The following ZC3H3 variants were observed in gnomAD, a reference collection of about 807,000 sequenced individuals.
ZC3H3 encodes the protein zinc finger CCCH domain-containing protein 3.
ZC3H3 carries 36 observed loss-of-function variants against 77.3 expected under a neutral mutation model. That is an observed-to-expected ratio of 0.47 (90% CI 0.36 to 0.61). ZC3H3 has a LOEUF of 0.61. Among genes scored for constraint, ZC3H3 ranks in the 20% least tolerant of loss-of-function variants. The probability of loss-of-function intolerance (pLI) is 0.00; values close to 1 mark genes in which losing one functional copy is unlikely to be tolerated. For missense variants in ZC3H3, 1,331 were observed against 1,312.2 expected (o/e 1.01, Z -0.22); for synonymous variants, 626 against 555.2 (o/e 1.13, Z -1.79).
chr8:143,473,694 G>A (rs576534926), intron 5 of ZC3H3, among the ~76,000 whole-genome samples: 48 of 152,330 alleles, frequency 3.2e-4, no homozygotes, highest in South Asian at 1.9e-3. Context: ...GGGACCACCC[G>A]GCATGAGCAG....
intron 3 of ZC3H3, among the ~76,000 whole-genome samples, chr8:143,514,983 G>A (rs531496438): frequency 1.6e-4 from 24 of 152,324 alleles, no homozygotes; most frequent in African/African-American, 5.1e-4. Context: ...GCCTGTGCCC[G>A]GCCAGTGCCC....
intron 3 of ZC3H3, among the ~76,000 whole-genome samples, chr8:143,517,063 C>G (rs760731318): frequency 1.3e-5 from 2 of 152,188 alleles, no homozygotes; most frequent in Non-Finnish European, 2.9e-5. Flanking sequence ...GCCGCTGCCG[C>G]GGACTGTCAG....
At chr8:143,522,400 C>T (rs1357764155) in intron 3 of ZC3H3, among the ~76,000 whole-genome samples, 2 of 151,142 alleles carry the variant, frequency 1.3e-5, no homozygotes, top group African/African-American at 4.9e-5. Flanking sequence ...GTCAGGAGTT[C>T]GAGACGAGCT....
At position 143,475,530 on chromosome 8, in the gene ZC3H3, G is replaced by T; in HGVS notation, c.1771C>A (p.Pro591Thr). ...PVASGGGKAQPGSPWWRSKGY... is the reference protein window; with the variant it reads ...PVASGGGKAQTGSPWWRSKGY... ...TTGCTCCGCCACCAAGGGGAGCCCG[G>T]TTGGGCTTTCCCACCCCCGCTGGCA... Residue 591 changes from proline (P) to threonine (T), a missense_variant, in exon 5 of 12, where the codon CCG (proline) becomes ACG (threonine). Pro to Thr is a conservative substitution (Grantham distance 38). Transcript: ENST00000262577. The T allele has an allele frequency of 1.2e-6, 2 of 1,611,238 alleles. No individual in the cohort carries two copies. Among genetic ancestry groups the T allele is most frequent in the Non-Finnish European group, 1.7e-6 (2 of 1,179,280 alleles).
intron 3 of ZC3H3, among the ~76,000 whole-genome samples, chr8:143,534,520 G>A (rs1822729136): frequency 6.6e-6 from 1 of 152,130 alleles, no homozygotes; most frequent in South Asian, 2.1e-4. Context: ...GAGCAGGCCA[G>A]GTGAGCAGGG....
At position 143,536,330 on chromosome 8, in the gene ZC3H3, C is replaced by T. The variant is rs199941468; in HGVS notation, c.1488G>A (p.Lys496=). Residue 496 remains lysine (K), a synonymous_variant, in exon 3 of 12, where the codon AAG becomes AAA. Coordinates refer to ENST00000262577, the MANE Select transcript of ZC3H3 (RefSeq NM_015117.3). The part of the protein sequence containing the change: ...SSPVLKKTPN[K]GLVQVTTHRL... Reference sequence around the variant, plus strand: ...GGTGCGTGGTGACCTGTACCAGGCCCTTGTTGGGGGTCTTCTTCAGGACAG... The same window carrying T: ...GGTGCGTGGTGACCTGTACCAGGCCTTTGTTGGGGGTCTTCTTCAGGACAG... 8.1e-6 allele frequency: 13 copies of T among 1,611,346 alleles called. No homozygotes were observed. The East Asian group carries it at 1.8e-4, about 22-fold the overall frequency.
intron 9 of ZC3H3, among the ~76,000 whole-genome samples, chr8:143,455,035 G>A (rs1232367661): frequency 6.6e-6 from 1 of 152,110 alleles, no homozygotes; most frequent in East Asian, 1.9e-4. Flanking sequence ...AAAAAAATAG[G>A]CTGGGCGTGG....
In ZC3H3 at chr8:143,438,029, G is replaced by A; in HGVS notation, c.*27C>T. 1.2e-6 allele frequency: 2 copies of A among 1,607,416 alleles called. No individual in the cohort carries two copies. Among genetic ancestry groups the A allele is most frequent in the Non-Finnish European group, 1.7e-6 (2 of 1,177,212 alleles). ...TCCTCTCCAAGGATGAGGGTCTGAG[G>A]TAGGTGCAGGCCGGTCCCTGGGGTC... On this transcript the variant is annotated 3_prime_UTR_variant, in exon 12 of 12. Coordinates refer to ENST00000262577, the MANE Select transcript of ZC3H3 (RefSeq NM_015117.3).
chr8:143,501,506 A>G lies in ZC3H3; in HGVS notation c.1715+6240T>C, dbSNP rs948545030. 2.6e-5 allele frequency among the ~76,000 whole-genome samples: 4 copies of G among 151,980 alleles called. No individual in the cohort carries two copies. The South Asian group carries it at 8.3e-4, about 32-fold the overall frequency. On this transcript the variant is annotated intron_variant, in intron 4 of 11. Coordinates refer to ENST00000262577, the MANE Select transcript of ZC3H3 (RefSeq NM_015117.3). ...AGTGTGAGCCACCACGCCTGGCCAC[A>G]GGGTGCTGGTTTTACATAAGGATTC...
At chr8:143,491,505 A>G (rs448340) in intron 4 of ZC3H3, among the ~76,000 whole-genome samples, 59,146 of 152,254 alleles carry the variant, frequency 0.39, 11,980 homozygotes, top group South Asian at 0.52. Context: ...GAGCCAGCCC[A>G]AAAGGGCAAA....
chr8:143,531,885 T>C (rs1443430499), intron 3 of ZC3H3, among the ~76,000 whole-genome samples: 1 of 152,246 alleles, frequency 6.6e-6, no homozygotes, highest in East Asian at 1.9e-4. Flanking sequence ...ATCTTTTCCC[T>C]GATTAATTTT....
intron 3 of ZC3H3, among the ~76,000 whole-genome samples, chr8:143,524,299 CTA>C (rs960720204): frequency 2.0e-5 from 3 of 152,242 alleles, no homozygotes; most frequent in African/African-American, 7.2e-5. Flanking sequence ...GCCAAACAGT[CTA>C]TGACACCAGG....
intron 9 of ZC3H3, among the ~76,000 whole-genome samples, chr8:143,443,349 T>C (rs1199063803): frequency 1.6e-5 from 2 of 123,776 alleles, no homozygotes; most frequent in South Asian, 4.7e-4. Flanking sequence ...GAAAGTAAAA[T>C]GATGGAAGAA....
rs377593718 is a variant in ZC3H3, at chr8:143,468,293, G to A, written c.2106-15C>T. On this transcript the variant is annotated splice_polypyrimidine_tract_variant and intron_variant, in intron 7 of 11. Transcript: ENST00000262577. ...CCCGGACAAACCTGCAGCACCAGGA[G>A]AAACGGGTATGAGGAAGGGCCGGCA... is the stretch of plus-strand genomic sequence containing the variant. 95 of 1,612,984 alleles carry A rather than the reference G, an allele frequency of 5.9e-5. No individual in the cohort carries two copies. The African/African-American group carries it at 1.1e-3, about 19-fold the overall frequency.
chr8:143,528,837 G>T (rs887693640), intron 3 of ZC3H3, among the ~76,000 whole-genome samples: 1 of 152,090 alleles, frequency 6.6e-6, no homozygotes, highest in Non-Finnish European at 1.5e-5. Context: ...TCCTCTGGGA[G>T]GGGGGGCGCC....
intron 3 of ZC3H3, among the ~76,000 whole-genome samples, chr8:143,517,507 G>A (rs1037616025): frequency 6.6e-5 from 10 of 152,160 alleles, no homozygotes; most frequent in African/African-American, 2.4e-4. Flanking sequence ...AGGACAGCTG[G>A]GCTTGGGCCT....
Position 143,530,081 on chromosome 8 carries a change from A to T in ZC3H3, c.1561+6176T>A, listed in dbSNP as rs1382375515. The stretch of plus-strand genomic sequence containing the variant: ...GGTAGGAATCGCCCTCCGTGTGTAC[A>T]GCAAGCTCTGGGCCAGAGGCAGATG... On this transcript the variant is annotated intron_variant, in intron 3 of 11. Coordinates refer to ENST00000262577, the MANE Select transcript of ZC3H3 (RefSeq NM_015117.3). This position sits in a 1 kb window ranked among gnomAD's most constrained non-coding sequence, Gnocchi z 4.3. Among the ~76,000 whole-genome samples, 4 of 152,174 alleles carry T rather than the reference A, an allele frequency of 2.6e-5. No individual in the cohort carries two copies.
At chr8:143,452,342 C>T (rs1402069214) in intron 9 of ZC3H3, among the ~76,000 whole-genome samples, 1 of 152,148 alleles carries the variant, frequency 6.6e-6, no homozygotes, top group Non-Finnish European at 1.5e-5. Flanking sequence ...TCCACACCAC[C>T]CTCCACAGTG....
chr8:143,485,493 ATGGGGAGACAAAAGGACTC>A (rs995482478), intron 4 of ZC3H3, among the ~76,000 whole-genome samples: 32 of 152,332 alleles, frequency 2.1e-4, no homozygotes, highest in African/African-American at 7.2e-4. Flanking sequence ...ATGTGTCTCC[ATGGGGAGACAAAAGGACTC>A]TGGCCCCTAC....
Sources: gnomAD v4.1 joint callset for allele counts (sites outside exome capture counted in the v4.1 genomes callset) on GRCh38, gnomAD v4.1.1 for gene constraint, Gnocchi (gnomAD v3.1) non-coding constraint, MANE v1.5 for transcripts, NCBI Gene and HGNC (gene_info 2026-07-23, HGNC 2026-07-21) for gene names.